HLF: variants seen among roughly 807,000 people sequenced by gnomAD.
HLF encodes HLF transcription factor, PAR bZIP family member, also known as hepatic leukemia factor.
In HLF, 3 loss-of-function variants were observed where a neutral mutation model predicts 22.6. The ratio of observed to expected loss-of-function variants is 0.13; its 90% CI spans 0.06 to 0.34. The LOEUF (loss-of-function observed/expected upper bound fraction) is 0.34. Among genes scored for constraint, HLF ranks in the 10% least tolerant of loss-of-function variants. The pLI, the probability that HLF is intolerant of heterozygous loss-of-function variation, is 1.00. For missense variants in HLF, 299 were observed against 389.2 expected, an observed-to-expected ratio of 0.77 and a Z score of 1.95; for synonymous variants, 151 against 151.8, an observed-to-expected ratio of 0.99 and a Z score of 0.04.
intron 2 of HLF, among the ~76,000 whole-genome samples, chr17:55,292,273 T>G (rs1490199869): frequency 6.6e-6 from 1 of 151,870 alleles, no homozygotes; most frequent in East Asian, 1.9e-4. Flanking sequence ...AAAGGAAGAG[T>G]CAATTGATGC....
At position 55,320,649 on chromosome 17, in the gene HLF, G is replaced by A. The variant is rs1905232252; in HGVS notation, c.673-15G>A. 6.2e-7 allele frequency: 1 copy of A among 1,611,392 alleles called. No individual in the cohort carries two copies. The highest frequency in any genetic ancestry group is 8.5e-7 in the Non-Finnish European group (1 of 1,177,954). On this transcript the variant is annotated splice_polypyrimidine_tract_variant and intron_variant, in intron 3 of 3. Coordinates refer to ENST00000226067, the MANE Select transcript of HLF (RefSeq NM_002126.5). This position sits in a 1 kb window ranked among gnomAD's most constrained non-coding sequence, Gnocchi z 4.2. ...AATATCTTGTTTCTTTTTCCCTTCT[G>A]TAACTAATGAGCAGGATGACAAGTA...
intron 1 of HLF, among the ~76,000 whole-genome samples, chr17:55,267,364 A>C (rs1300779621): frequency 1.3e-5 from 2 of 152,234 alleles, no homozygotes; most frequent in Non-Finnish European, 2.9e-5. Flanking sequence ...AGATAATTCA[A>C]GCCTGGTTAT....
At chr17:55,283,309 G>T (rs2080971401) in intron 2 of HLF, among the ~76,000 whole-genome samples, 1 of 152,102 alleles carries the variant, frequency 6.6e-6, no homozygotes, top group African/African-American at 2.4e-5. Flanking sequence ...GGCTCTGATG[G>T]ATTAGTAGGT....
intron 2 of HLF, among the ~76,000 whole-genome samples, chr17:55,290,188 T>C (rs1200117730): frequency 6.6e-6 from 1 of 152,192 alleles, no homozygotes; most frequent in East Asian, 1.9e-4. Flanking sequence ...GAAAACAGTG[T>C]GGAGGTTCCT....
At chr17:55,270,798 C>T (rs1158208385) in intron 2 of HLF, among the ~76,000 whole-genome samples, 10 of 152,064 alleles carry the variant, frequency 6.6e-5, no homozygotes, top group Admixed American at 1.3e-4. Flanking sequence ...GTAGCGCCAC[C>T]ACGCCCGGCT....
chr17:55,312,116 T>G (rs541332097), intron 2 of HLF, among the ~76,000 whole-genome samples: 12 of 152,368 alleles, frequency 7.9e-5, no homozygotes, highest in Admixed American at 7.8e-4. Context: ...TGAATAGCGC[T>G]GCGATGAACA....
chr17:55,323,807 C>T lies in HLF; in HGVS notation c.*2928C>T, dbSNP rs1905353934. On this transcript the variant is annotated 3_prime_UTR_variant, in exon 4 of 4. Coordinates refer to ENST00000226067, the MANE Select transcript of HLF (RefSeq NM_002126.5). ...TGCACGCTGCAGCTATTATGAGAGT[C>T]CCTTTGTCATTTTTCACCTTTTCAT... 2.6e-5 allele frequency: 6 copies of T among 230,536 alleles called. No homozygotes were observed. The East Asian group carries it at 3.7e-4, about 14-fold the overall frequency. The allele number at this position is 230,536 out of a possible 1,614,324, so 14.3% of individuals were successfully genotyped here.
At chr17:55,273,213 CCCTTTAAG>C (rs2080874038) in intron 2 of HLF, 1 of 152,200 alleles carries the variant, frequency 6.6e-6, no homozygotes, top group Admixed American at 6.5e-5. Context: ...AATTTCTTAA[CCCTTTAAG>C]CCTCAGTTTA....
Position 55,267,772 on chromosome 17 carries a change from A to C in HLF, c.137A>C (p.Lys46Thr), listed in dbSNP as rs1357621212. 3.2e-6 allele frequency: 5 copies of C among 1,586,760 alleles called. No individual in the cohort carries two copies. Among genetic ancestry groups the C allele is most frequent in the Admixed American group, 1.7e-5 (1 of 57,824 alleles). The change falls in exon 2 of 4, where the codon AAG (lysine) becomes ACG (threonine). Residue 46 changes from lysine to threonine, a missense_variant. Coordinates refer to ENST00000226067, the MANE Select transcript of HLF (RefSeq NM_002126.5). ...GCAGCATTTAGTAAAGATAAAGACA[A>C]GGAAAAGAAGCTGGATGATGAGAGT... ...HEDAFSKDKD[K>T]EKKLDDESNS...
intron 2 of HLF, among the ~76,000 whole-genome samples, chr17:55,297,250 G>A (rs1182312662): frequency 6.6e-6 from 1 of 152,126 alleles, no homozygotes; most frequent in Non-Finnish European, 1.5e-5. Context: ...TTGTTATTCT[G>A]TAGTTATTTG....
intron 2 of HLF, among the ~76,000 whole-genome samples, chr17:55,304,877 C>T (rs999030167): frequency 2.6e-5 from 4 of 152,208 alleles, no homozygotes; most frequent in African/African-American, 7.2e-5. Context: ...CCAGGCCACA[C>T]ACAACTACGT....
chr17:55,306,741 T>C (rs1372623328), intron 2 of HLF, among the ~76,000 whole-genome samples: 1 of 152,190 alleles, frequency 6.6e-6, no homozygotes, highest in Non-Finnish European at 1.5e-5. Context: ...CTATCTCTTT[T>C]TTCTTCTTCT....
Position 55,322,910 on chromosome 17 carries a change from G to A in HLF, c.*2031G>A. 4.4e-6 allele frequency: 1 copy of A among 225,942 alleles called. No homozygotes were observed. Among genetic ancestry groups the A allele is most frequent in the Non-Finnish European group, 8.8e-6 (1 of 113,432 alleles). The allele number at this position is 225,942 out of a possible 1,614,324, so 14.0% of individuals were successfully genotyped here. Reference sequence around the variant, plus strand: ...GATGATTGTTCTTTTGTTTCATTAAGTTGTAAAATGTCAAGAAATTCTGCT... The same window carrying A: ...GATGATTGTTCTTTTGTTTCATTAAATTGTAAAATGTCAAGAAATTCTGCT... On this transcript the variant is annotated 3_prime_UTR_variant, in exon 4 of 4. Coordinates refer to ENST00000226067, the MANE Select transcript of HLF (RefSeq NM_002126.5).
At chr17:55,292,202 G>A (rs763058204) in intron 2 of HLF, among the ~76,000 whole-genome samples, 9 of 152,208 alleles carry the variant, frequency 5.9e-5, no homozygotes, top group Non-Finnish European at 1.2e-4. Flanking sequence ...TTTTGAAAGA[G>A]GTTCTACTGT....
chr17:55,293,049 G>A (rs1315543752), intron 2 of HLF, among the ~76,000 whole-genome samples: 1 of 152,156 alleles, frequency 6.6e-6, no homozygotes, highest in Non-Finnish European at 1.5e-5. Context: ...CAAAAACACA[G>A]ACGAAATAAG....
intron 1 of HLF, 41 bp downstream of exon 1, chr17:55,265,640 T>C (rs1287459493): frequency 2.1e-6 from 3 of 1,401,252 alleles, no homozygotes; most frequent in Non-Finnish European, 3.0e-6. Context: ...GGGACGACGC[T>C]CCGGGGGTCC....
At chr17:55,299,677 C>T (rs1439111851) in intron 2 of HLF, among the ~76,000 whole-genome samples, 3 of 152,210 alleles carry the variant, frequency 2.0e-5, no homozygotes, top group Admixed American at 6.5e-5. Flanking sequence ...TGGTCTCAAG[C>T]GATCTTCCCA....
At chr17:55,290,408 T>TGG (rs2081050326) in intron 2 of HLF, among the ~76,000 whole-genome samples, 1 of 152,228 alleles carries the variant, frequency 6.6e-6, no homozygotes, top group African/African-American at 2.4e-5. Flanking sequence ...TGTCATATTG[T>TGG]GGTGGTTCTA....
intron 1 of HLF, chr17:55,266,884 A>G (rs2145288360): frequency 1.3e-6 from 1 of 762,574 alleles, no homozygotes; most frequent in Non-Finnish European, 1.6e-6. Flanking sequence ...CTTCCAACAT[A>G]AATGTATAGA....
Sources: gnomAD v4.1 joint callset for allele counts (sites outside exome capture counted in the v4.1 genomes callset) on GRCh38, gnomAD v4.1.1 for gene constraint, Gnocchi (gnomAD v3.1) non-coding constraint, MANE v1.5 for transcripts, NCBI Gene and HGNC (gene_info 2026-07-23, HGNC 2026-07-21) for gene names.